The following IGFBP5 variants were observed in gnomAD, a reference collection of about 807,000 sequenced individuals.
IGFBP5 encodes the protein insulin like growth factor binding protein 5, also known as insulin-like growth factor-binding protein 5.
A neutral mutation model predicts 28.0 loss-of-function variants in IGFBP5; 12 were observed. The ratio of observed to expected loss-of-function variants is 0.43; its 90% CI spans 0.27 to 0.69. The LOEUF (loss-of-function observed/expected upper bound fraction) is 0.69. Among genes scored for constraint, IGFBP5 ranks in the 30% least tolerant of loss-of-function variants. IGFBP5 has a pLI of 0.20. For synonymous variants in IGFBP5, 152 were observed against 150.2 expected, an observed-to-expected ratio of 1.01 and a Z score of -0.09; for missense variants, 344 against 381.6, an observed-to-expected ratio of 0.90 and a Z score of 0.82.
Position 216,683,892 on chromosome 2 carries a change from C to G in IGFBP5, c.338-4813G>C, listed in dbSNP as rs11575166. 8.9e-3 allele frequency among the ~76,000 whole-genome samples: 1,349 copies of G among 152,340 alleles called. 6 individuals are homozygous for G. The highest frequency in any genetic ancestry group is 0.017 in the Middle Eastern group (5 of 294). On this transcript the variant is annotated intron_variant, in intron 1 of 3. Coordinates refer to ENST00000233813, the MANE Select transcript of IGFBP5 (RefSeq NM_000599.4). ...CCTTCCCACTGGCTCTCCAATGCCT[C>G]TGGCCCCTGCCACATTTGGGTGGCC...
chr2:216,683,264 G>A (rs1405590363), intron 1 of IGFBP5, among the ~76,000 whole-genome samples: 1 of 152,172 alleles, frequency 6.6e-6, no homozygotes, highest in Admixed American at 6.5e-5. Context: ...GGAGGTTGGA[G>A]GTAGGAGGTT....
At position 216,678,208 on chromosome 2, in the gene IGFBP5, C is replaced by T. The variant is rs900234102; in HGVS notation, c.591G>A (p.Glu197=). The T allele has an allele frequency of 4.4e-6, 7 of 1,587,220 alleles. No individual in the cohort carries two copies. The highest frequency in any genetic ancestry group is 5.2e-6 in the Non-Finnish European group (6 of 1,164,542). ...SEQGPCRRHM[E]ASLQELKASP... is the part of the protein sequence containing the mutation. Reference sequence around the variant, plus strand: ...TGGCTTTGAGCTCCTGCAGGGAAGCCTCCATGTGTCTGCGGCAGGGGCCCT... The same window carrying T: ...TGGCTTTGAGCTCCTGCAGGGAAGCTTCCATGTGTCTGCGGCAGGGGCCCT... Residue 197 remains glutamate (E), a synonymous_variant, in exon 3 of 4, where the codon GAG becomes GAA. Transcript: ENST00000233813.
At chr2:216,683,082 G>A (rs1229028463) in intron 1 of IGFBP5, among the ~76,000 whole-genome samples, 1 of 152,160 alleles carries the variant, frequency 6.6e-6, no homozygotes, top group African/African-American at 2.4e-5. Flanking sequence ...ACTTTGGGAG[G>A]CCAAGGTGAG....
rs1453678250 is a variant in IGFBP5, at chr2:216,672,200, C to T, written c.*4551G>A. ...AATTATAAGTTGAATAAATAGTATA[C>T]AGCAATCTTCACTTTTTAAGAAAAT... On this transcript the variant is annotated 3_prime_UTR_variant, in exon 4 of 4. Coordinates refer to ENST00000233813, the MANE Select transcript of IGFBP5 (RefSeq NM_000599.4). 1 of 151,806 alleles carries T rather than the reference C, an allele frequency of 6.6e-6. No homozygotes were observed. The highest frequency in any genetic ancestry group is 2.4e-5 in the African/African-American group (1 of 41,326). 9.4% of individuals were successfully genotyped at this position (151,806 alleles called of 1,614,324 possible). A position where few individuals can be genotyped will look rare whatever the true frequency, so the allele number is the denominator to read the frequency against.
rs1324981369 is a variant in IGFBP5, at chr2:216,672,283, A to G, written c.*4468T>C. 1 of 134,580 alleles carries G rather than the reference A, an allele frequency of 7.4e-6. No individual in the cohort carries two copies. The highest frequency in any genetic ancestry group is 1.5e-5 in the Non-Finnish European group (1 of 65,246). The allele number at this position is 134,580 out of a possible 1,614,324, so 8.3% of individuals were successfully genotyped here. A position where few individuals can be genotyped will look rare whatever the true frequency, so the allele number is the denominator to read the frequency against. ...AGTACAAAATGCTAAACGGGAGCCG[A>G]GCTCTTCCGCATTCAGGTGTTTTTT... On this transcript the variant is annotated 3_prime_UTR_variant, in exon 4 of 4. Coordinates refer to ENST00000233813, the MANE Select transcript of IGFBP5 (RefSeq NM_000599.4).
In IGFBP5 at chr2:216,676,700, A is replaced by G. The variant is rs1370062487; in HGVS notation, c.*51T>C. On this transcript the variant is annotated 3_prime_UTR_variant, in exon 4 of 4. Coordinates refer to ENST00000233813, the MANE Select transcript of IGFBP5 (RefSeq NM_000599.4). ...TGGGGTGGAGGGAGGCGCTGGCTGGAGTCGGGGCTGGGGGTGGGAGGGGGT... is the reference window on the plus strand; with the variant it reads ...TGGGGTGGAGGGAGGCGCTGGCTGGGGTCGGGGCTGGGGGTGGGAGGGGGT... 9.4e-7 allele frequency: 1 copy of G among 1,061,310 alleles called. No individual in the cohort carries two copies. Among genetic ancestry groups the G allele is most frequent in the South Asian group, 1.6e-5 (1 of 63,736 alleles). 65.7% of individuals were successfully genotyped at this position (1,061,310 alleles called of 1,614,324 possible). A position where few individuals can be genotyped will look rare whatever the true frequency, so the allele number is the denominator to read the frequency against.
intron 1 of IGFBP5, among the ~76,000 whole-genome samples, chr2:216,690,334 C>G (rs1000535963): frequency 2.0e-5 from 3 of 152,194 alleles, no homozygotes; most frequent in Admixed American, 1.3e-4. Flanking sequence ...TGGTTGGTAC[C>G]TGCTCTTTAT....
At position 216,674,116 on chromosome 2, in the gene IGFBP5, G is replaced by C. The variant is rs985021815; in HGVS notation, c.*2635C>G. On this transcript the variant is annotated 3_prime_UTR_variant, in exon 4 of 4. Coordinates refer to ENST00000233813, the MANE Select transcript of IGFBP5 (RefSeq NM_000599.4). This position sits in a 1 kb window ranked among gnomAD's most constrained non-coding sequence, Gnocchi z 4.4. Reference sequence around the variant, plus strand: ...ATTAGGTCCAGGCTGGGAGGAATGTGGGGGGAGCTTGTAGTTCCTGGCTCA... The same window carrying C: ...ATTAGGTCCAGGCTGGGAGGAATGTCGGGGGAGCTTGTAGTTCCTGGCTCA... 3 of 152,880 alleles carry C rather than the reference G, an allele frequency of 2.0e-5. No homozygotes were observed. The highest frequency in any genetic ancestry group is 2.1e-4 in the South Asian group (1 of 4,830). The allele number at this position is 152,880 out of a possible 1,614,324, so 9.5% of individuals were successfully genotyped here. A position where few individuals can be genotyped will look rare whatever the true frequency, so the allele number is the denominator to read the frequency against.
rs1311330700 is a variant in IGFBP5, at chr2:216,672,294, A to G, written c.*4457T>C. The G allele has an allele frequency of 1.6e-5, 2 of 126,860 alleles. No individual in the cohort carries two copies. Among genetic ancestry groups the G allele is most frequent in the East Asian group, 2.3e-4 (1 of 4,426 alleles). The allele number at this position is 126,860 out of a possible 1,614,324, so 7.9% of individuals were successfully genotyped here. On this transcript the variant is annotated 3_prime_UTR_variant, in exon 4 of 4. Transcript: ENST00000233813. The stretch of plus-strand genomic sequence containing the variant: ...CTAAACGGGAGCCGAGCTCTTCCGC[A>G]TTCAGGTGTTTTTTTTTTTTTTTTC...
intron 1 of IGFBP5, among the ~76,000 whole-genome samples, chr2:216,684,890 G>A (rs1423953208): frequency 1.3e-5 from 2 of 152,210 alleles, no homozygotes; most frequent in African/African-American, 2.4e-5. Context: ...CTGCCGCAGG[G>A]CACAGGGAAG....
chr2:216,694,417 C>T lies in IGFBP5; in HGVS notation c.337+22G>A. 1.3e-6 allele frequency: 2 copies of T among 1,491,376 alleles called. No individual in the cohort carries two copies. The highest frequency in any genetic ancestry group is 2.5e-5 in the East Asian group (1 of 39,726). 92.4% of individuals were successfully genotyped at this position (1,491,376 alleles called of 1,614,324 possible). A position where few individuals can be genotyped will look rare whatever the true frequency, so the allele number is the denominator to read the frequency against. ...CCCCGCCCGTGCGCCGCGTAACTGA[C>T]TGGCACACTGAGCGCGCTCACCGAT... On this transcript the variant is annotated intron_variant, in intron 1 of 3. Coordinates refer to ENST00000233813, the MANE Select transcript of IGFBP5 (RefSeq NM_000599.4). The surrounding 1 kb of genome is among the most constrained non-coding windows in gnomAD (Gnocchi z 5.2).
rs1206811269 is a variant in IGFBP5 at position 216,692,078 on chromosome 2, C to T, written c.337+2361G>A. Among the ~76,000 whole-genome samples the T allele has an allele frequency of 6.6e-6, 1 of 152,072 alleles. No individual in the cohort carries two copies. Among genetic ancestry groups the T allele is most frequent in the African/African-American group, 2.4e-5 (1 of 41,404 alleles). On this transcript the variant is annotated intron_variant, in intron 1 of 3. Transcript: ENST00000233813. This position sits in a 1 kb window ranked among gnomAD's most constrained non-coding sequence, Gnocchi z 4.2. The stretch of plus-strand genomic sequence containing the variant: ...TACACCATCTCCAACTTTTTGGGGA[C>T]CCGCCCAGTGGTTGTCCGGCTAAAA...
chr2:216,693,726 T>C (rs990924718), intron 1 of IGFBP5, among the ~76,000 whole-genome samples: 17 of 152,048 alleles, frequency 1.1e-4, no homozygotes, highest in African/African-American at 3.6e-4. Flanking sequence ...TTTTTTCCCT[T>C]CCTGGGATAA....
chr2:216,686,638 A>G (rs1307874309), intron 1 of IGFBP5, among the ~76,000 whole-genome samples: 1 of 147,032 alleles, frequency 6.8e-6, no homozygotes, highest in Non-Finnish European at 1.5e-5. Flanking sequence ...AAATAAACAA[A>G]CCTTGGTACA....
In IGFBP5 at chr2:216,672,691, AG is replaced by A. The variant is rs1333815030; in HGVS notation, c.*4059del. On this transcript the variant is annotated 3_prime_UTR_variant, in exon 4 of 4. Coordinates refer to ENST00000233813, the MANE Select transcript of IGFBP5 (RefSeq NM_000599.4). ...GACCGGGGACTGGTGGAGTGGGGTG[AG>A]CGGGCACAGGGAAGCTGGGGTCCCC... 1.3e-5 allele frequency: 2 copies of A among 152,640 alleles called. No homozygotes were observed. Among genetic ancestry groups the A allele is most frequent in the Non-Finnish European group, 2.9e-5 (2 of 68,030 alleles). The allele number at this position is 152,640 out of a possible 1,614,324, so 9.5% of individuals were successfully genotyped here. A position where few individuals can be genotyped will look rare whatever the true frequency, so the allele number is the denominator to read the frequency against.
chr2:216,682,198 A>G (rs747024325), intron 1 of IGFBP5, among the ~76,000 whole-genome samples: 2 of 152,188 alleles, frequency 1.3e-5, no homozygotes, highest in Non-Finnish European at 2.9e-5. Flanking sequence ...GGTGCCACTT[A>G]ACCCCATGGG....
chr2:216,676,965 A>AGGAG, intron 3 of IGFBP5, 83 bp from the exon 4 acceptor site: 1 of 1,466,264 alleles, frequency 6.8e-7, no homozygotes, highest in Non-Finnish European at 9.4e-7. Flanking sequence ...TGTCTACCCC[A>AGGAG]AGGCAAGACT....
At chr2:216,685,504 T>G (rs941389770) in intron 1 of IGFBP5, among the ~76,000 whole-genome samples, 3 of 152,170 alleles carry the variant, frequency 2.0e-5, no homozygotes, top group African/African-American at 7.2e-5. Context: ...ATGAAAATAC[T>G]GAGGCCCAGT....
Position 216,692,645 on chromosome 2 carries a change from T to G in IGFBP5, c.337+1794A>C, listed in dbSNP as rs1246291989. On this transcript the variant is annotated intron_variant, in intron 1 of 3. Coordinates refer to ENST00000233813, the MANE Select transcript of IGFBP5 (RefSeq NM_000599.4). This position sits in a 1 kb window ranked among gnomAD's most constrained non-coding sequence, Gnocchi z 4.2. ...TTTTCCAAATCCACATCCCCCAAGA[T>G]GAAGGCGGGCAGGACCGCCTTTGAA... 1.3e-5 allele frequency among the ~76,000 whole-genome samples: 2 copies of G among 152,146 alleles called. No individual in the cohort carries two copies. Among genetic ancestry groups the G allele is most frequent in the Admixed American group, 1.3e-4 (2 of 15,290 alleles).
Sources: gnomAD v4.1 joint callset for allele counts (sites outside exome capture counted in the v4.1 genomes callset) on GRCh38, gnomAD v4.1.1 for gene constraint, Gnocchi (gnomAD v3.1) non-coding constraint, MANE v1.5 for transcripts, NCBI Gene and HGNC (gene_info 2026-07-23, HGNC 2026-07-21) for gene names.